Variants in DLGAP2 observed in about 807,000 individuals in gnomAD.
The protein encoded by DLGAP2 is DLG associated protein 2.
In DLGAP2, 26 loss-of-function variants were observed where a neutral mutation model predicts 100.3. The ratio of observed to expected loss-of-function variants is 0.26; its 90% CI spans 0.19 to 0.36. DLGAP2 has a LOEUF of 0.36. DLGAP2 is among the 10% of genes least tolerant of loss of function. The probability of loss-of-function intolerance (pLI) is 1.00; values close to 1 mark genes in which losing one functional copy is unlikely to be tolerated. For synonymous variants in DLGAP2, 886 were observed against 630.1 expected (o/e 1.41, Z -6.08); for missense variants, 1,858 against 1,453.2 (o/e 1.28, Z -4.53).
chr8:1,486,293 G>C (rs1799235333), intron 3 of DLGAP2, among the ~76,000 whole-genome samples: 1 of 152,232 alleles, frequency 6.6e-6, no homozygotes, highest in Non-Finnish European at 1.5e-5. Context: ...TGTGCAGTCT[G>C]CGTGTTCAAA....
intron 2 of DLGAP2, among the ~76,000 whole-genome samples, chr8:1,188,948 C>A (rs922672085): frequency 1.3e-5 from 2 of 152,210 alleles, no homozygotes; most frequent in African/African-American, 4.8e-5. Flanking sequence ...GCCGGTTCCG[C>A]GGTTGGGGTT....
intron 2 of DLGAP2, among the ~76,000 whole-genome samples, chr8:1,049,402 G>A (rs1802608218): frequency 6.6e-6 from 1 of 152,080 alleles, no homozygotes; most frequent in South Asian, 2.1e-4. Context: ...CACCTGGGTA[G>A]GAACATTTGG....
chr8:798,534 G>A (rs1289912547), intron 1 of DLGAP2, among the ~76,000 whole-genome samples: 56 of 136,798 alleles, frequency 4.1e-4, no homozygotes, highest in African/African-American at 1.5e-3. Context: ...CTGCAGCCCC[G>A]TGCCCCGGCG....
intron 5 of DLGAP2, among the ~76,000 whole-genome samples, chr8:1,556,615 A>T (rs1390102171): frequency 6.6e-6 from 1 of 152,182 alleles, no homozygotes; most frequent in Admixed American, 6.5e-5. Context: ...GTACAGCAGG[A>T]CTAGGAGCTG....
At chr8:1,335,510 A>T (rs1260048238) in intron 3 of DLGAP2, among the ~76,000 whole-genome samples, 1 of 152,184 alleles carries the variant, frequency 6.6e-6, no homozygotes, top group Non-Finnish European at 1.5e-5. Context: ...AATATCGGAC[A>T]TGATGGCCCA....
intron 2 of DLGAP2, among the ~76,000 whole-genome samples, chr8:1,005,304 C>CTGCAGAGAA (rs1349137503): frequency 1.3e-5 from 2 of 151,960 alleles, no homozygotes; most frequent in African/African-American, 4.8e-5. Context: ...CTCAGAAAGT[C>CTGCAGAGAA]TGCAGAGAAT....
At chr8:1,289,292 T>C (rs918904899) in intron 3 of DLGAP2, among the ~76,000 whole-genome samples, 1 of 152,252 alleles carries the variant, frequency 6.6e-6, no homozygotes, top group Non-Finnish European at 1.5e-5. Context: ...AGACAGCTAC[T>C]TATTTGACCA....
rs370864792 is a variant in DLGAP2, at chr8:1,701,367, C to G, written c.3129C>G (p.Ser1043Arg). 7 of 1,598,540 alleles carry G rather than the reference C, an allele frequency of 4.4e-6. No individual in the cohort carries two copies. Among genetic ancestry groups the G allele is most frequent in the Non-Finnish European group, 5.1e-6 (6 of 1,173,448 alleles). ...RQNSASERAD[S>R]IEIYIPEAQT... Reference sequence around the variant, plus strand: ...ATTCCGCCTCCGAGCGCGCGGACAGCATCGAGATCTACATCCCCGAGGCCC... The same window carrying G: ...ATTCCGCCTCCGAGCGCGCGGACAGGATCGAGATCTACATCCCCGAGGCCC... The change falls in exon 15 of 15, where the codon AGC becomes AGG. Residue 1043 changes from serine to arginine, a missense_variant. Transcript: ENST00000637795.
intron 5 of DLGAP2, among the ~76,000 whole-genome samples, chr8:1,562,660 G>T (rs565212799): frequency 2.4e-4 from 14 of 57,932 alleles, no homozygotes; most frequent in African/African-American, 9.7e-4. Context: ...CTGGGGGACT[G>T]TGTGGTGTTG....
At chr8:1,191,373 T>C (rs1014577044) in intron 2 of DLGAP2, among the ~76,000 whole-genome samples, 5 of 152,102 alleles carry the variant, frequency 3.3e-5, no homozygotes, top group Non-Finnish European at 7.4e-5. Context: ...GATTTCACCG[T>C]GTTAGCCAGG....
intron 3 of DLGAP2, among the ~76,000 whole-genome samples, chr8:1,449,469 C>A (rs897418550): frequency 3.9e-5 from 6 of 151,936 alleles, no homozygotes; most frequent in Non-Finnish European, 5.9e-5. Context: ...AGCAGTGGGA[C>A]GGGACGGCAC....
intron 1 of DLGAP2, among the ~76,000 whole-genome samples, chr8:796,449 T>C (rs1167042636): frequency 6.6e-6 from 1 of 152,126 alleles, no homozygotes; most frequent in Non-Finnish European, 1.5e-5. Flanking sequence ...GATGCTGTTC[T>C]GTAAAATCTT....
At chr8:1,305,777 G>T (rs994655277) in intron 3 of DLGAP2, among the ~76,000 whole-genome samples, 1 of 152,152 alleles carries the variant, frequency 6.6e-6, no homozygotes, top group Admixed American at 6.5e-5. Flanking sequence ...CAGGACATTC[G>T]AGAGCACTTG....
intron 6 of DLGAP2, among the ~76,000 whole-genome samples, chr8:1,599,268 G>C (rs1368130937): frequency 1.3e-5 from 2 of 152,200 alleles, no homozygotes; most frequent in African/African-American, 4.8e-5. Context: ...TTGCTGAGGA[G>C]TGTTTTACTC....
chr8:1,311,127 G>C (rs1186150390), intron 3 of DLGAP2, among the ~76,000 whole-genome samples: 1 of 151,750 alleles, frequency 6.6e-6, no homozygotes, highest in East Asian at 1.9e-4. Flanking sequence ...AAATAAAAAG[G>C]ATTTAAGACA....
At chr8:1,415,421 G>A (rs1796855395) in intron 3 of DLGAP2, among the ~76,000 whole-genome samples, 1 of 151,954 alleles carries the variant, frequency 6.6e-6, no homozygotes, top group Admixed American at 6.6e-5. Context: ...CCCAGACACT[G>A]AGCACAGCAC....
At chr8:1,195,006 C>T (rs1056546979) in intron 2 of DLGAP2, among the ~76,000 whole-genome samples, 2 of 152,220 alleles carry the variant, frequency 1.3e-5, no homozygotes, top group African/African-American at 4.8e-5. Context: ...ATTCCTCGTG[C>T]CCTGCTCTCC....
intron 2 of DLGAP2, among the ~76,000 whole-genome samples, chr8:1,071,148 G>T (rs1803417523): frequency 1.3e-5 from 2 of 152,222 alleles, no homozygotes; most frequent in Non-Finnish European, 2.9e-5. Context: ...CAGCCCAGCT[G>T]CCGAGCGGAA....
intron 2 of DLGAP2, among the ~76,000 whole-genome samples, chr8:1,171,265 G>A (rs1327727000): frequency 1.3e-5 from 2 of 152,124 alleles, no homozygotes; most frequent in East Asian, 3.8e-4. Flanking sequence ...TATAATTTCT[G>A]TTCTTTTACA....
Sources: allele counts gnomAD v4.1 joint callset (sites outside exome capture counted in the v4.1 genomes callset), GRCh38; gene constraint gnomAD v4.1.1; transcripts MANE v1.5; gene names NCBI Gene and HGNC (gene_info 2026-07-23, HGNC 2026-07-21).